Variants in CASZ1 observed in about 807,000 individuals in gnomAD.
CASZ1 encodes the protein zinc finger protein castor homolog 1.
In CASZ1, 28 loss-of-function variants were observed where a neutral mutation model predicts 135.2. The ratio of observed to expected loss-of-function variants is 0.21; its 90% CI spans 0.15 to 0.28. The LOEUF is 0.28. Among genes scored for constraint, CASZ1 ranks in the 10% least tolerant of loss-of-function variants. The probability of loss-of-function intolerance (pLI) is 1.00; values close to 1 mark genes in which losing one functional copy is unlikely to be tolerated. For synonymous variants in CASZ1, 1,068 were observed against 1,073.4 expected, an observed-to-expected ratio of 0.99 and a Z score of 0.10; for missense variants, 2,161 against 2,453.3, an observed-to-expected ratio of 0.88 and a Z score of 2.52.
rs1235185251 is a variant in CASZ1, at chr1:10,676,317, A to G, written c.17-10746T>C. Among the ~76,000 whole-genome samples, 1 of 152,042 alleles carries G rather than the reference A, an allele frequency of 6.6e-6. No homozygotes were observed. Among genetic ancestry groups the G allele is most frequent in the African/African-American group, 2.4e-5 (1 of 41,394 alleles). ...GCTCCCGCTATTGTCGGCCACGTTG[A>G]GGGAGGGCCCCTGCCTGTCCCATGC... On this transcript the variant is annotated intron_variant, in intron 4 of 20. Transcript: ENST00000377022. This position sits in a 1 kb window ranked among gnomAD's most constrained non-coding sequence, Gnocchi z 4.5.
At position 10,700,797 on chromosome 1, in the gene CASZ1, G is replaced by A. The variant is rs968718995; in HGVS notation, c.-24+4695C>T. On this transcript the variant is annotated intron_variant, in intron 3 of 20. Transcript: ENST00000377022. This position sits in a 1 kb window ranked among gnomAD's most constrained non-coding sequence, Gnocchi z 4.2. ...TAATGAGTACAGGGTTTCTTCCTGG[G>A]GGAATGAAAATGTTCTAAAATTAGA... 1.3e-5 allele frequency among the ~76,000 whole-genome samples: 2 copies of A among 152,154 alleles called. No individual in the cohort carries two copies. Among genetic ancestry groups the A allele is most frequent in the African/African-American group, 2.4e-5 (1 of 41,416 alleles).
rs1365389957 is a variant in CASZ1, at chr1:10,747,563, G to T, written c.-77+13138C>A. Among the ~76,000 whole-genome samples, 1 of 152,184 alleles carries T rather than the reference G, an allele frequency of 6.6e-6. No individual in the cohort carries two copies. Among genetic ancestry groups the T allele is most frequent in the African/African-American group, 2.4e-5 (1 of 41,426 alleles). On this transcript the variant is annotated intron_variant, in intron 2 of 20. Transcript: ENST00000377022. The surrounding 1 kb of genome is among the most constrained non-coding windows in gnomAD (Gnocchi z 4.3). The stretch of plus-strand genomic sequence containing the variant: ...CCTGTCCCGGGCTTTGCAGAGTGGG[G>T]AGAAGGTGAGGTGGGCTCAGGGTCC...
At chr1:10,667,204 C>T (rs985306337) in intron 4 of CASZ1, among the ~76,000 whole-genome samples, 3 of 152,240 alleles carry the variant, frequency 2.0e-5, no homozygotes, top group Non-Finnish European at 2.9e-5. Flanking sequence ...GCACAGATAA[C>T]CGTCCCCTGA....
rs1368883274 is a variant in CASZ1 at position 10,657,793 on chromosome 1, T to TG, written c.1409+714dup. Among the ~76,000 whole-genome samples the TG allele has an allele frequency of 7.4e-3, 18 of 2,436 alleles. No individual in the cohort carries two copies. Among genetic ancestry groups the TG allele is most frequent in the Non-Finnish European group, 0.011 (13 of 1,184 alleles). 1.6% of individuals were successfully genotyped at this position (2,436 alleles called of 152,430 possible). A position where few individuals can be genotyped will look rare whatever the true frequency, so the allele number is the denominator to read the frequency against. Reference sequence around the variant, plus strand: ...TGCTGCCCCATCAGAGGGCAGGCGGTGGGGGGGTGGGGGCGGGGGGTGTTA... The same window carrying TG: ...TGCTGCCCCATCAGAGGGCAGGCGGTGGGGGGGGTGGGGGCGGGGGGTGTTA... On this transcript the variant is annotated intron_variant, in intron 7 of 20. Transcript: ENST00000377022. This position sits in a 1 kb window ranked among gnomAD's most constrained non-coding sequence, Gnocchi z 5.7.
chr1:10,639,085 C>A lies in CASZ1; in HGVS notation c.5137G>T (p.Glu1713Ter). The change falls in exon 21 of 21, where the codon GAG becomes TAG. Residue 1713 changes from glutamate to a stop codon, truncating the protein, a stop_gained. Coordinates refer to ENST00000377022, the MANE Select transcript of CASZ1 (RefSeq NM_001079843.3). LOFTEE classifies it high-confidence loss of function. The surrounding 1 kb of genome is among the most constrained non-coding windows in gnomAD (Gnocchi z 4.0). The stretch of plus-strand genomic sequence containing the variant: ...TCCTCCGAGTCGGTGCGCAGGTCCT[C>A]GTCGTCGTCGTCCTCGTCGTCGTCC... ...DEDDDEDDDD[E>*]DLRTDSEESL... 3.8e-6 allele frequency: 4 copies of A among 1,049,840 alleles called. No individual in the cohort carries two copies. Among genetic ancestry groups the A allele is most frequent in the Non-Finnish European group, 4.8e-6 (4 of 841,838 alleles). The allele number at this position is 1,049,840 out of a possible 1,614,324, so 65.0% of individuals were successfully genotyped here. A position where few individuals can be genotyped will look rare whatever the true frequency, so the allele number is the denominator to read the frequency against.
chr1:10,688,785 G>A (rs983432238), intron 4 of CASZ1, among the ~76,000 whole-genome samples: 1 of 152,220 alleles, frequency 6.6e-6, no homozygotes, highest in African/African-American at 2.4e-5. Flanking sequence ...AGACCACCAA[G>A]CTGCTGCCCT....
intron 5 of CASZ1, chr1:10,660,903 A>C: frequency 3.9e-6 from 1 of 254,494 alleles, no homozygotes; most frequent in Non-Finnish European, 7.6e-6. Context: ...GCCAGATCCC[A>C]ACCTGCCTCC....
At chr1:10,642,549 G>C (rs931856657) in intron 20 of CASZ1, among the ~76,000 whole-genome samples, 1 of 151,996 alleles carries the variant, frequency 6.6e-6, no homozygotes. Flanking sequence ...CAGGACCGGC[G>C]CTGGGCCCAG....
Position 10,665,366 on chromosome 1 carries a change from G to A in CASZ1, c.222C>T (p.Ala74=). ...TGTCTTCCTCGCTGCGGGGGGCCCG[G>A]GCTGCCCCAGACTCAGGGCCACTGC... is the stretch of plus-strand genomic sequence containing the variant. The part of the protein sequence containing the change: ...QERSGPESGA[A]RAPRSEEDKR... The change falls in exon 5 of 21, where the codon GCC becomes GCT. Residue 74 remains alanine (A), a synonymous_variant. Coordinates refer to ENST00000377022, the MANE Select transcript of CASZ1 (RefSeq NM_001079843.3). 3 of 1,611,700 alleles carry A rather than the reference G, an allele frequency of 1.9e-6. No homozygotes were observed. The highest frequency in any genetic ancestry group is 2.5e-6 in the Non-Finnish European group (3 of 1,178,528).
intron 4 of CASZ1, among the ~76,000 whole-genome samples, chr1:10,681,428 C>A (rs1360055268): frequency 1.3e-5 from 2 of 152,168 alleles, no homozygotes; most frequent in Non-Finnish European, 2.9e-5. Context: ...CAGCACGCTG[C>A]CCCCTCAGCG....
At position 10,643,145 on chromosome 1, in the gene CASZ1, G is replaced by C. The variant is rs757372016; in HGVS notation, c.4020+15C>G. ...CGCCACCCTGGCTGGGCTCTCACCT[G>C]GGGGGGGCTCTCACCTGGGAGGGGG... is the stretch of plus-strand genomic sequence containing the variant. On this transcript the variant is annotated intron_variant, in intron 19 of 20. Transcript: ENST00000377022. 69 of 1,598,866 alleles carry C rather than the reference G, an allele frequency of 4.3e-5. No individual in the cohort carries two copies. Among genetic ancestry groups the C allele is most frequent in the Non-Finnish European group, 5.0e-5 (59 of 1,171,872 alleles).
At chr1:10,722,110 C>G (rs576224216) in intron 2 of CASZ1, among the ~76,000 whole-genome samples, 1 of 152,358 alleles carries the variant, frequency 6.6e-6, no homozygotes, top group African/African-American at 2.4e-5. Context: ...CCCGCCCCTT[C>G]GCAACCTGCA....
At chr1:10,775,420 T>C (rs1479406842) in intron 1 of CASZ1, among the ~76,000 whole-genome samples, 6 of 152,016 alleles carry the variant, frequency 3.9e-5, no homozygotes, top group Admixed American at 6.6e-5. Context: ...GACACTACAA[T>C]GTCTGGGACC....
rs758255506 is a variant in CASZ1, at chr1:10,656,754, G to A, written c.1410-18C>T. ...CCGAGAACCTGGAGGGAGGAGGGGT[G>A]GGGTCAGGGCCCTGCTGTGGGTGAC... On this transcript the variant is annotated intron_variant, in intron 7 of 20. Transcript: ENST00000377022. The A allele has an allele frequency of 1.3e-6, 2 of 1,541,682 alleles. No individual in the cohort carries two copies. The highest frequency in any genetic ancestry group is 1.4e-5 in the African/African-American group (1 of 73,846).
At position 10,702,856 on chromosome 1, in the gene CASZ1, G is replaced by A. The variant is rs149159131; in HGVS notation, c.-24+2636C>T. Among the ~76,000 whole-genome samples the A allele has an allele frequency of 4.2e-3, 644 of 152,236 alleles. 4 individuals carry two copies. The highest frequency in any genetic ancestry group is 0.015 in the African/African-American group (614 of 41,506). On this transcript the variant is annotated intron_variant, in intron 3 of 20. Coordinates refer to ENST00000377022, the MANE Select transcript of CASZ1 (RefSeq NM_001079843.3). ...GCATATTGCACAGGGCTCTCTGCAC[G>A]ATGCCGGGGAAATCCAATACGCTGA...
intron 2 of CASZ1, among the ~76,000 whole-genome samples, chr1:10,742,287 A>G (rs1639939053): frequency 6.6e-6 from 1 of 152,216 alleles, no homozygotes; most frequent in African/African-American, 2.4e-5. Context: ...CTTGCAGGGA[A>G]TAATGTGGAT....
intron 6 of CASZ1, among the ~76,000 whole-genome samples, chr1:10,659,324 T>C (rs797022402): frequency 6.6e-6 from 1 of 151,978 alleles, no homozygotes; most frequent in Non-Finnish European, 1.5e-5. Flanking sequence ...AGATGGGGTG[T>C]GCTGTCATGG....
chr1:10,658,175 A>T (rs899903828), intron 7 of CASZ1: 1 of 303,874 alleles, frequency 3.3e-6, no homozygotes, highest in Non-Finnish European at 6.4e-6. Context: ...GGTGGCCTGC[A>T]CCCTACTCAA....
At chr1:10,667,259 C>A (rs939758064) in intron 4 of CASZ1, among the ~76,000 whole-genome samples, 4 of 152,236 alleles carry the variant, frequency 2.6e-5, no homozygotes, top group African/African-American at 9.6e-5. Flanking sequence ...TCCCTTGTAG[C>A]CAGTGGCCAG....
Sources: allele counts gnomAD v4.1 joint callset (sites outside exome capture counted in the v4.1 genomes callset), GRCh38; gene constraint gnomAD v4.1.1; non-coding constraint Gnocchi (gnomAD v3.1); transcripts MANE v1.5; gene names NCBI Gene and HGNC (gene_info 2026-07-23, HGNC 2026-07-21).